The following F11 variants were observed in gnomAD, a reference collection of about 807,000 sequenced individuals.
F11 encodes the protein coagualtion factor XI.
In F11, 78 loss-of-function variants were observed where a neutral mutation model predicts 76.5. The ratio of observed to expected loss-of-function variants is 1.02; its 90% confidence interval spans 0.85 to 1.23. The LOEUF is 1.23. Ranked by LOEUF, F11 falls within the 50% of genes most tolerant of loss-of-function variation. F11 has a pLI of 0.00. For synonymous variants in F11, 278 were observed against 276.3 expected, an observed-to-expected ratio of 1.01 and a Z score of -0.06; for missense variants, 742 against 771.4, an observed-to-expected ratio of 0.96 and a Z score of 0.45.
intron 3 of F11, among the ~76,000 whole-genome samples, chr4:186,272,798 AAC>A (rs1173215602): frequency 6.6e-6 from 1 of 152,244 alleles, no homozygotes; most frequent in African/African-American, 2.4e-5. Flanking sequence ...GCTAAACAGA[AAC>A]ACACAGATTT....
intron 5 of F11, 25 bp from the exon 6 acceptor site, chr4:186,275,762 A>T: frequency 6.5e-7 from 1 of 1,538,302 alleles, no homozygotes; most frequent in East Asian, 2.3e-5. Flanking sequence ...AGAATAAGAC[A>T]CTTTTCCTTT....
Position 186,285,690 on chromosome 4 carries a change from GA to G in F11, c.1360del (p.Ile454Ter). Reference sequence around the variant, plus strand: ...CTACAGTGGCATTTTAAATCAATCTGAAATAAAAGAGGACACATCTTTCTTT... The same window carrying G: ...CTACAGTGGCATTTTAAATCAATCTGAATAAAAGAGGACACATCTTTCTTT... ...RVYSGILNQSEIKEDTSFFGV... is the reference protein window; with the variant it reads ...RVYSGILNQSXIKEDTSFFGV... On this transcript the variant is annotated frameshift_variant, in exon 12 of 15. Transcript: ENST00000403665. LOFTEE classifies it high-confidence loss of function. 1 of 1,614,076 alleles carries G rather than the reference GA, an allele frequency of 6.2e-7. No individual in the cohort carries two copies. The highest frequency in any genetic ancestry group is 8.5e-7 in the Non-Finnish European group (1 of 1,180,000).
intron 7 of F11, 52 bp downstream of exon 7, chr4:186,276,442 C>T (rs1740389945): frequency 1.9e-6 from 3 of 1,587,204 alleles, no homozygotes; most frequent in Non-Finnish European, 2.6e-6. Context: ...AATAGCTGAT[C>T]AAAATCCATC....
chr4:186,267,276 T>G, intron 2 of F11, 85 bp downstream of exon 2: 2 of 884,714 alleles, frequency 2.3e-6, no homozygotes, highest in Non-Finnish European at 3.9e-6. Flanking sequence ...CCCACACCAT[T>G]TATGCCGGGA....
intron 7 of F11, among the ~76,000 whole-genome samples, chr4:186,278,870 G>C (rs1740574929): frequency 6.6e-6 from 1 of 152,126 alleles, no homozygotes; most frequent in African/African-American, 2.4e-5. Context: ...GAAGAAAGTA[G>C]GTCCAAAGAT....
intron 10 of F11, chr4:186,282,695 C>T: frequency 2.0e-6 from 2 of 985,360 alleles, no homozygotes; most frequent in Non-Finnish European, 2.4e-6. Flanking sequence ...CGCTTCCCAC[C>T]TTGCAGAAAT....
At chr4:186,280,415 C>T (rs755012517) in intron 9 of F11, 30 bp downstream of exon 9, 1 of 1,614,114 alleles carries the variant, frequency 6.2e-7, no homozygotes, top group African/African-American at 1.3e-5. Flanking sequence ...ATGCAGACAC[C>T]CTTGTCCCGT....
rs368646897 is a variant in F11 at position 186,286,399 on chromosome 4, G to A, written c.1481-16G>A. 5.6e-6 allele frequency: 9 copies of A among 1,609,052 alleles called. No individual in the cohort carries two copies. The highest frequency in any genetic ancestry group is 2.7e-5 in the African/African-American group (2 of 74,788). On this transcript the variant is annotated splice_polypyrimidine_tract_variant and intron_variant, in intron 12 of 14. Transcript: ENST00000403665. ...ATTTTGCGTCTCATATTTAAACCAC[G>A]ATTTTTTAAATTTAGATTCTCAACG...
intron 11 of F11, among the ~76,000 whole-genome samples, chr4:186,285,405 T>C (rs1741118220): frequency 6.6e-6 from 1 of 152,022 alleles, no homozygotes; most frequent in Non-Finnish European, 1.5e-5. Context: ...TGCGTGTGTG[T>C]GTGTTGGAGC....
intron 2 of F11, among the ~76,000 whole-genome samples, chr4:186,270,289 A>G (rs894063531): frequency 1.3e-5 from 2 of 152,238 alleles, no homozygotes; most frequent in African/African-American, 4.8e-5. Context: ...CATGTGTTCC[A>G]TGTGTTCCAC....
At chr4:186,273,223 C>A in intron 4 of F11, 46 bp downstream of exon 4, 1 of 1,363,124 alleles carries the variant, frequency 7.3e-7, no homozygotes, top group South Asian at 1.2e-5. Flanking sequence ...GTGATGTACA[C>A]ATATCGCCAC....
chr4:186,273,038 C>T (rs1488374129), intron 3 of F11, 33 bp from the exon 4 acceptor site: 3 of 1,363,758 alleles, frequency 2.2e-6, no homozygotes, highest in Non-Finnish European at 3.1e-6. Flanking sequence ...ACATAAATTC[C>T]TATTCATTAA....
intron 7 of F11, among the ~76,000 whole-genome samples, chr4:186,277,352 T>C (rs1740464335): frequency 6.6e-6 from 1 of 152,218 alleles, no homozygotes; most frequent in Non-Finnish European, 1.5e-5. Flanking sequence ...TTATTGTGAA[T>C]AGTGCTGCAG....
Position 186,289,647 on chromosome 4 carries a change from A to G in F11, c.*1033A>G, listed in dbSNP as rs886059305. Among the ~76,000 whole-genome samples the G allele has an allele frequency of 2.0e-5, 3 of 151,012 alleles. No homozygotes were observed. The highest frequency in any genetic ancestry group is 4.4e-5 in the Non-Finnish European group (3 of 67,878). ...TTGAATTGTCACCACATAGCTTTCA[A>G]TCTGTGCCAACAACTATACAATTCA... On this transcript the variant is annotated 3_prime_UTR_variant, in exon 15 of 15. Coordinates refer to ENST00000403665, the MANE Select transcript of F11 (RefSeq NM_000128.4).
rs1284110762 is a variant in F11 at position 186,286,432 on chromosome 4, T to C, written c.1498T>C (p.Cys500Arg). Reference sequence around the variant, plus strand: ...AAATTTAGATTCTCAACGACCCATATGCCTGCCTTCCAAAGGAGATAGAAA... The same window carrying C: ...AAATTTAGATTCTCAACGACCCATACGCCTGCCTTCCAAAGGAGATAGAAA... The part of the protein sequence containing the change: ...VNYTDSQRPI[C>R]LPSKGDRNVI... Residue 500 changes from cysteine (C) to arginine (R), a missense_variant, in exon 13 of 15, where the codon TGC (cysteine) becomes CGC (arginine). By Grantham distance (180) the Cys-to-Arg change is radical. Transcript: ENST00000403665. 3.1e-6 allele frequency: 5 copies of C among 1,614,014 alleles called. No individual in the cohort carries two copies. Among genetic ancestry groups the C allele is most frequent in the Non-Finnish European group, 4.2e-6 (5 of 1,179,910 alleles).
intron 5 of F11, chr4:186,275,065 A>G (rs1261237821): frequency 3.7e-5 from 14 of 379,208 alleles, no homozygotes; most frequent in South Asian, 9.7e-5. Context: ...CCCTAAATTC[A>G]TGATTTGACT....
At chr4:186,266,834 A>G (rs1233242869) in intron 1 of F11, among the ~76,000 whole-genome samples, 2 of 152,162 alleles carry the variant, frequency 1.3e-5, no homozygotes, top group Non-Finnish European at 2.9e-5. Context: ...GATGGTGGCC[A>G]TGAGAAGGAT....
At chr4:186,276,429 A>G in intron 7 of F11, 39 bp downstream of exon 7, 2 of 1,603,668 alleles carry the variant, frequency 1.2e-6, no homozygotes. Flanking sequence ...GTTATCTTCT[A>G]AAAATAGCTG....
At chr4:186,271,877 G>A in intron 3 of F11, 106 bp downstream of exon 3, 3 of 1,249,388 alleles carry the variant, frequency 2.4e-6, no homozygotes, top group Non-Finnish European at 3.5e-6. Context: ...TTAACAACTG[G>A]AAGATAAATT....
Sources: gnomAD v4.1 joint callset for allele counts (sites outside exome capture counted in the v4.1 genomes callset) on GRCh38, gnomAD v4.1.1 for gene constraint, MANE v1.5 for transcripts, NCBI Gene and HGNC (gene_info 2026-07-23, HGNC 2026-07-21) for gene names.